CFAP299: variants seen among roughly 807,000 people sequenced by gnomAD.
The protein encoded by CFAP299 is cilia- and flagella-associated protein 299.
In CFAP299, 21 loss-of-function variants were observed where a neutral mutation model predicts 27.0. That is an observed-to-expected ratio of 0.78 (90% CI 0.55 to 1.12). CFAP299 has a LOEUF of 1.12. CFAP299 is among the 50% of genes most tolerant of loss of function. The pLI is 0.00. For synonymous variants in CFAP299, 104 were observed against 98.1 expected, an observed-to-expected ratio of 1.06 and a Z score of -0.36; for missense variants, 310 against 276.6, an observed-to-expected ratio of 1.12 and a Z score of -0.86.
intron 2 of CFAP299, among the ~76,000 whole-genome samples, chr4:80,470,355 C>G (rs1192673010): frequency 6.6e-6 from 1 of 152,072 alleles, no homozygotes; most frequent in African/African-American, 2.4e-5. Context: ...TCTACCTTCT[C>G]GTTTTCTTTC....
At chr4:80,882,220 C>T (rs1266697290) in intron 4 of CFAP299, among the ~76,000 whole-genome samples, 1 of 151,992 alleles carries the variant, frequency 6.6e-6, no homozygotes, top group Non-Finnish European at 1.5e-5. Context: ...TCCTCAGTCT[C>T]AAAAAGGAAA....
intron 3 of CFAP299, among the ~76,000 whole-genome samples, chr4:80,858,702 CAT>C (rs1732100429): frequency 1.3e-5 from 2 of 152,104 alleles, no homozygotes. Flanking sequence ...GTTCAGTTTC[CAT>C]ATAGTTGAGC....
intron 4 of CFAP299, among the ~76,000 whole-genome samples, chr4:80,939,294 CTT>C (rs1338747229): frequency 3.3e-5 from 5 of 152,130 alleles, no homozygotes; most frequent in African/African-American, 1.2e-4. Flanking sequence ...TTCTGGAACT[CTT>C]ATACTACATA....
chr4:80,860,717 A>G (rs1732276564), intron 3 of CFAP299, among the ~76,000 whole-genome samples: 1 of 152,310 alleles, frequency 6.6e-6, no homozygotes, highest in Middle Eastern at 3.4e-3. Context: ...TGTCTGCAGA[A>G]CAGTGGTTTT....
At chr4:80,647,111 G>A (rs1740061551) in intron 3 of CFAP299, among the ~76,000 whole-genome samples, 1 of 151,932 alleles carries the variant, frequency 6.6e-6, no homozygotes, top group Non-Finnish European at 1.5e-5. Context: ...TATTTTTACT[G>A]GTAGCAGTAT....
intron 3 of CFAP299, among the ~76,000 whole-genome samples, chr4:80,614,556 G>T (rs1738175010): frequency 6.6e-6 from 1 of 152,216 alleles, no homozygotes; most frequent in Non-Finnish European, 1.5e-5. Flanking sequence ...TGCGGCGGGT[G>T]TAGTCAGAGG....
chr4:80,837,842 C>T (rs75577952), intron 3 of CFAP299, among the ~76,000 whole-genome samples: 2,901 of 152,244 alleles, frequency 0.019, 66 homozygotes, highest in Admixed American at 0.061. Flanking sequence ...TGAGGAATCA[C>T]CATCCTGTCT....
intron 3 of CFAP299, among the ~76,000 whole-genome samples, chr4:80,830,501 G>T (rs1195800536): frequency 1.3e-5 from 2 of 152,010 alleles, no homozygotes; most frequent in Non-Finnish European, 2.9e-5. Flanking sequence ...AGAATGAATG[G>T]CTGGAGCTTA....
intron 2 of CFAP299, among the ~76,000 whole-genome samples, chr4:80,576,204 A>G (rs1042250508): frequency 7.3e-6 from 1 of 136,444 alleles, no homozygotes; most frequent in African/African-American, 2.5e-5. Flanking sequence ...AAAAATATAT[A>G]TATATATATA....
At chr4:80,481,034 A>G (rs1031220032) in intron 2 of CFAP299, among the ~76,000 whole-genome samples, 1 of 152,056 alleles carries the variant, frequency 6.6e-6, no homozygotes, top group Non-Finnish European at 1.5e-5. Flanking sequence ...GCTGTAAGCC[A>G]TTTAAGCAGA....
chr4:80,770,507 A>G (rs1433673911), intron 3 of CFAP299, among the ~76,000 whole-genome samples: 3 of 152,188 alleles, frequency 2.0e-5, no homozygotes, highest in Admixed American at 2.0e-4. Context: ...CATCCTTCCT[A>G]TTTTTAAGTA....
chr4:80,935,717 G>C (rs1293550388), intron 4 of CFAP299, among the ~76,000 whole-genome samples: 2 of 152,036 alleles, frequency 1.3e-5, no homozygotes, highest in African/African-American at 4.8e-5. Flanking sequence ...TTGACAAATG[G>C]GATCTAATTA....
At chr4:80,492,664 T>C (rs373663546) in intron 2 of CFAP299, among the ~76,000 whole-genome samples, 6 of 152,212 alleles carry the variant, frequency 3.9e-5, no homozygotes, top group East Asian at 3.8e-4. Flanking sequence ...ATACAGGTTT[T>C]ATTATTATTA....
intron 2 of CFAP299, among the ~76,000 whole-genome samples, chr4:80,493,957 A>G (rs1406277682): frequency 6.6e-6 from 1 of 151,050 alleles, no homozygotes; most frequent in Non-Finnish European, 1.5e-5. Flanking sequence ...TTGTATTTTT[A>G]GTAGAGACGG....
intron 2 of CFAP299, among the ~76,000 whole-genome samples, chr4:80,373,067 T>A (rs938980752): frequency 8.5e-5 from 13 of 152,164 alleles, no homozygotes; most frequent in African/African-American, 3.1e-4. Flanking sequence ...CCAGCTGCCA[T>A]GTATGACAAT....
At chr4:80,790,060 A>G (rs1032088352) in intron 3 of CFAP299, among the ~76,000 whole-genome samples, 2 of 151,944 alleles carry the variant, frequency 1.3e-5, no homozygotes, top group Non-Finnish European at 2.9e-5. Context: ...AATCAAAACA[A>G]TTTTTGCCTT....
At chr4:80,786,553 TA>T (rs1727253759) in intron 3 of CFAP299, among the ~76,000 whole-genome samples, 1 of 152,126 alleles carries the variant, frequency 6.6e-6, no homozygotes, top group South Asian at 2.1e-4. Context: ...TGGCCAAACC[TA>T]AATTATGCTT....
At chr4:80,799,620 T>TATAAA (rs1728177028) in intron 3 of CFAP299, among the ~76,000 whole-genome samples, 2 of 37,118 alleles carry the variant, frequency 5.4e-5, no homozygotes, top group Admixed American at 5.3e-4. Context: ...TATTATATAT[T>TATAAA]TATAAATATA....
chr4:80,706,274 A>G (rs1036712756), intron 3 of CFAP299, among the ~76,000 whole-genome samples: 2 of 151,662 alleles, frequency 1.3e-5, no homozygotes, highest in Admixed American at 1.3e-4. Context: ...TACCCTAAAC[A>G]TCGAAAGTTT....
Sources: allele counts gnomAD v4.1 joint callset (sites outside exome capture counted in the v4.1 genomes callset), GRCh38; gene constraint gnomAD v4.1.1; transcripts MANE v1.5; gene names NCBI Gene and HGNC (gene_info 2026-07-23, HGNC 2026-07-21).